The following CSMD1 variants were observed in gnomAD, a reference collection of about 807,000 sequenced individuals.
CSMD1 encodes CUB and sushi domain-containing protein 1.
A neutral mutation model predicts 417.5 loss-of-function variants in CSMD1; 213 were observed. The observed-to-expected ratio is 0.51, with a 90% CI of 0.46 to 0.57. The LOEUF (loss-of-function observed/expected upper bound fraction) is 0.57. Among genes scored for constraint, CSMD1 ranks in the 20% least tolerant of loss-of-function variants. The pLI is 0.00. For missense variants in CSMD1, 6,923 were observed against 4,529.7 expected, an observed-to-expected ratio of 1.53 and a Z score of -15.17; for synonymous variants, 2,862 against 1,736.8, an observed-to-expected ratio of 1.65 and a Z score of -16.11.
chr8:3,528,260 C>G (rs1797836355), intron 10 of CSMD1, among the ~76,000 whole-genome samples: 1 of 152,226 alleles, frequency 6.6e-6, no homozygotes, highest in African/African-American at 2.4e-5. Flanking sequence ...AGACACATCT[C>G]AAATCACCAG....
Position 4,583,364 on chromosome 8 carries a change from T to C in CSMD1, c.302+53978A>G, listed in dbSNP as rs187579449. Among the ~76,000 whole-genome samples, 782 of 152,246 alleles carry C rather than the reference T, an allele frequency of 5.1e-3. 2 individuals are homozygous for C. Among genetic ancestry groups the C allele is most frequent in the Non-Finnish European group, 7.1e-3 (482 of 68,014 alleles). On this transcript the variant is annotated intron_variant, in intron 2 of 69. Transcript: ENST00000635120. ...ATTGTAAATACACCAATCGGCATTC[T>C]GTATCTAGCTCAAGGTTTGTAAACA...
chr8:3,573,249 C>T (rs1202019824), intron 10 of CSMD1, among the ~76,000 whole-genome samples: 1 of 152,098 alleles, frequency 6.6e-6, no homozygotes. Flanking sequence ...TATCTCTTTG[C>T]CCAAATTCAT....
intron 41 of CSMD1, among the ~76,000 whole-genome samples, chr8:3,123,733 T>C (rs1817339891): frequency 1.3e-5 from 2 of 152,232 alleles, no homozygotes; most frequent in Admixed American, 1.3e-4. Context: ...CTTGGAAGTA[T>C]ACAAGCCTCA....
At chr8:3,105,108 G>A (rs576166383) in intron 46 of CSMD1, among the ~76,000 whole-genome samples, 39 of 152,330 alleles carry the variant, frequency 2.6e-4, no homozygotes, top group African/African-American at 8.7e-4. Flanking sequence ...TACAGGGAAG[G>A]CAGTTAACAT....
At chr8:4,516,070 A>G (rs1803102932) in intron 2 of CSMD1, among the ~76,000 whole-genome samples, 2 of 151,822 alleles carry the variant, frequency 1.3e-5, no homozygotes, top group African/African-American at 2.4e-5. Context: ...TGAAATCTCA[A>G]CCCCAGGTGC....
At chr8:4,622,434 G>A (rs1007833999) in intron 2 of CSMD1, among the ~76,000 whole-genome samples, 16 of 152,040 alleles carry the variant, frequency 1.1e-4, no homozygotes, top group Non-Finnish European at 1.9e-4. Context: ...CAAAACTATG[G>A]AGATGATTGT....
intron 2 of CSMD1, among the ~76,000 whole-genome samples, chr8:4,513,007 G>C (rs769249849): frequency 6.6e-6 from 1 of 152,076 alleles, no homozygotes; most frequent in Non-Finnish European, 1.5e-5. Flanking sequence ...AGGGAGAGAA[G>C]GATTAATAAG....
At chr8:3,714,561 C>CAAAAAAAAAAAAAAAAA (rs61494901) in intron 6 of CSMD1, among the ~76,000 whole-genome samples, 1,466 of 70,502 alleles carry the variant, frequency 0.021, 483 homozygotes, top group African/African-American at 0.035. Context: ...ATCTCTATCC[C>CAAAAAAAAAAAAAAAAA]AAAAAAAAAA....
chr8:2,963,511 T>TA lies in CSMD1; in HGVS notation c.9281-117dup, dbSNP rs921667821. 1.1e-3 allele frequency: 1,035 copies of TA among 935,458 alleles called. 2 individuals carry two copies. Among genetic ancestry groups the TA allele is most frequent in the South Asian group, 4.9e-3 (260 of 53,428 alleles). The allele number at this position is 935,458 out of a possible 1,614,324, so 57.9% of individuals were successfully genotyped here. On this transcript the variant is annotated intron_variant, in intron 59 of 69. Transcript: ENST00000635120. The stretch of plus-strand genomic sequence containing the variant: ...TACAAATGACATCTACATAGGTTTT[T>TA]AAAAAAAAATAATAAAAGAATTGCC...
chr8:3,944,219 C>G (rs1811077885), intron 5 of CSMD1, among the ~76,000 whole-genome samples: 1 of 152,096 alleles, frequency 6.6e-6, no homozygotes, highest in Non-Finnish European at 1.5e-5. Context: ...GTTAAGAAAA[C>G]TGTCTCTCAG....
intron 1 of CSMD1, among the ~76,000 whole-genome samples, chr8:4,836,036 T>G (rs117280065): frequency 0.015 from 2,261 of 152,328 alleles, 89 homozygotes; most frequent in Admixed American, 0.079. Flanking sequence ...AGAGATGGTT[T>G]CTGCCTTCAA....
chr8:4,530,504 C>T (rs1310877027), intron 2 of CSMD1, among the ~76,000 whole-genome samples: 1 of 150,914 alleles, frequency 6.6e-6, no homozygotes, highest in Admixed American at 6.6e-5. Context: ...TTCCCCCGAC[C>T]CCCTGACAGG....
At chr8:4,098,534 G>C (rs1021557634) in intron 3 of CSMD1, among the ~76,000 whole-genome samples, 2 of 152,138 alleles carry the variant, frequency 1.3e-5, no homozygotes, top group Non-Finnish European at 1.5e-5. Context: ...CAACCACAGA[G>C]AGCTGAGAAA....
chr8:4,891,285 T>C (rs1804106791), intron 1 of CSMD1, among the ~76,000 whole-genome samples: 1 of 152,134 alleles, frequency 6.6e-6, no homozygotes, highest in African/African-American at 2.4e-5. Flanking sequence ...ACAAGAATAC[T>C]CTTACAAGTG....
chr8:4,445,571 AAAT>A (rs1798734063), intron 2 of CSMD1, among the ~76,000 whole-genome samples: 1 of 152,190 alleles, frequency 6.6e-6, no homozygotes, highest in Non-Finnish European at 1.5e-5. Context: ...CAATGAATTG[AAAT>A]AATACGCTGG....
intron 5 of CSMD1, among the ~76,000 whole-genome samples, chr8:3,851,600 C>A (rs1275425395): frequency 6.6e-6 from 1 of 152,130 alleles, no homozygotes; most frequent in Non-Finnish European, 1.5e-5. Flanking sequence ...AGGGTTGTCT[C>A]TACTTTCACT....
chr8:4,820,286 G>C (rs75562488), intron 1 of CSMD1, among the ~76,000 whole-genome samples: 1 of 152,318 alleles, frequency 6.6e-6, no homozygotes, highest in Non-Finnish European at 1.5e-5. Context: ...CAGGAACACA[G>C]GGCTGGGCAC....
At chr8:3,688,860 T>G (rs1182916787) in intron 7 of CSMD1, among the ~76,000 whole-genome samples, 2 of 152,044 alleles carry the variant, frequency 1.3e-5, no homozygotes, top group East Asian at 3.9e-4. Flanking sequence ...TTAAAAAGAA[T>G]AGAGAGATCA....
chr8:3,448,468 T>C (rs889134734), intron 12 of CSMD1, among the ~76,000 whole-genome samples: 1 of 69,242 alleles, frequency 1.4e-5, no homozygotes, highest in African/African-American at 6.3e-5. Context: ...AAAGAAGAGA[T>C]GTTCTTGCTG....
Sources: gnomAD v4.1 joint callset for allele counts (sites outside exome capture counted in the v4.1 genomes callset) on GRCh38, gnomAD v4.1.1 for gene constraint, MANE v1.5 for transcripts, NCBI Gene and HGNC (gene_info 2026-07-23, HGNC 2026-07-21) for gene names.